The following GBA2 variants were observed in gnomAD, a reference collection of about 807,000 sequenced individuals.
GBA2 encodes the protein non-lysosomal glucosylceramidase.
GBA2 carries 79 observed loss-of-function variants against 112.9 expected under a neutral mutation model. That is an observed-to-expected ratio of 0.70 (90% CI 0.58 to 0.84). GBA2 has a LOEUF of 0.84. Among genes scored for constraint, GBA2 ranks in the 40% least tolerant of loss-of-function variants. The probability of loss-of-function intolerance (pLI) is 0.00; values close to 1 mark genes in which losing one functional copy is unlikely to be tolerated. For synonymous variants in GBA2, 403 were observed against 434.3 expected (o/e 0.93, Z 0.90); for missense variants, 1,043 against 1,190.0 (o/e 0.88, Z 1.82).
rs561018106 is a variant in GBA2, at chr9:35,749,204, G to T, written c.-500C>A. On this transcript the variant is annotated 5_prime_UTR_variant, in exon 1 of 17. Transcript: ENST00000378103. The surrounding 1 kb of genome is among the most constrained non-coding windows in gnomAD (Gnocchi z 4.4). ...CGTGGGAAGGTGACCCTGGGCGCCG[G>T]GATGACCCGAGCCCTTTCCGGTCTG... 2.5e-5 allele frequency: 10 copies of T among 402,812 alleles called. No individual in the cohort carries two copies. The highest frequency in any genetic ancestry group is 1.6e-4 in the South Asian group (9 of 57,576). 25.0% of individuals were successfully genotyped at this position (402,812 alleles called of 1,614,324 possible).
chr9:35,741,292 G>C lies in GBA2; in HGVS notation c.787-228C>G. On this transcript the variant is annotated intron_variant, in intron 4 of 16. Coordinates refer to ENST00000378103, the MANE Select transcript of GBA2 (RefSeq NM_020944.3). This position sits in a 1 kb window ranked among gnomAD's most constrained non-coding sequence, Gnocchi z 4.6. ...CTGGGAAGCCAGTGTGATGTTCATG[G>C]CTCCAACCTCCCTTTCACAGGCCAT... The C allele has an allele frequency of 1.7e-6, 1 of 575,286 alleles. No homozygotes were observed. The highest frequency in any genetic ancestry group is 3.1e-6 in the Non-Finnish European group (1 of 326,732). The allele number at this position is 575,286 out of a possible 1,614,324, so 35.6% of individuals were successfully genotyped here.
In GBA2 at chr9:35,737,575, G is replaced by C. The variant is rs758428179; in HGVS notation, c.2506-128C>G. On this transcript the variant is annotated intron_variant, in intron 16 of 16. Coordinates refer to ENST00000378103, the MANE Select transcript of GBA2 (RefSeq NM_020944.3). This position sits in a 1 kb window ranked among gnomAD's most constrained non-coding sequence, Gnocchi z 4.1. ...CCCAGCAAGTGGAGGAGATAACTATGACCCACAGACAGAAGCCTGAAGGCA... is the reference window on the plus strand; with the variant it reads ...CCCAGCAAGTGGAGGAGATAACTATCACCCACAGACAGAAGCCTGAAGGCA... 3.9e-6 allele frequency: 6 copies of C among 1,556,908 alleles called. No individual in the cohort carries two copies. In the African/African-American group the frequency reaches 5.5e-5, roughly 14 times the overall value.
chr9:35,744,662 G>T lies in GBA2; in HGVS notation c.404C>A (p.Thr135Lys). 1 of 1,610,972 alleles carries T rather than the reference G, an allele frequency of 6.2e-7. No individual in the cohort carries two copies. Among genetic ancestry groups the T allele is most frequent in the Non-Finnish European group, 8.5e-7 (1 of 1,177,122 alleles). ...AGAATTGATCATGTCGATGAAAGGT[G>T]TCTTCTTTTCCACATGGGTCTTCCG... is the stretch of plus-strand genomic sequence containing the variant. ...WYRKTHVEKK[T>K]PFIDMINSVP... The change falls in exon 2 of 17, where the codon ACA becomes AAA. Residue 135 changes from threonine (T) to lysine (K), a missense_variant. Coordinates refer to ENST00000378103, the MANE Select transcript of GBA2 (RefSeq NM_020944.3).
rs920969258 is a variant in GBA2, at chr9:35,737,074, T to C, written c.*95A>G. 1.3e-6 allele frequency: 2 copies of C among 1,523,692 alleles called. No homozygotes were observed. Among genetic ancestry groups the C allele is most frequent in the African/African-American group, 2.8e-5 (2 of 72,548 alleles). The allele number at this position is 1,523,692 out of a possible 1,614,324, so 94.4% of individuals were successfully genotyped here. The stretch of plus-strand genomic sequence containing the variant: ...GAGAAGGGAAGGGGTATGATTGTCC[T>C]GATGGCTCAGGGTTGCAGGAGGTTC... On this transcript the variant is annotated 3_prime_UTR_variant, in exon 17 of 17. Coordinates refer to ENST00000378103, the MANE Select transcript of GBA2 (RefSeq NM_020944.3). This position sits in a 1 kb window ranked among gnomAD's most constrained non-coding sequence, Gnocchi z 4.1.
Position 35,738,393 on chromosome 9 carries a change from T to G in GBA2, c.2055-19A>C. On this transcript the variant is annotated intron_variant, in intron 13 of 16. Transcript: ENST00000378103. ...GTAAGCACTGATCAGGGACATGGGT[T>G]TGGGGGTCAGACTGGCAGCTCCAGC... The G allele has an allele frequency of 6.2e-7, 1 of 1,611,886 alleles. No homozygotes were observed. The highest frequency in any genetic ancestry group is 8.5e-7 in the Non-Finnish European group (1 of 1,178,586).
chr9:35,737,065 T>G lies in GBA2; in HGVS notation c.*104A>C. The G allele has an allele frequency of 6.6e-7, 1 of 1,510,266 alleles. No individual in the cohort carries two copies. The highest frequency in any genetic ancestry group is 8.8e-7 in the Non-Finnish European group (1 of 1,133,792). 93.6% of individuals were successfully genotyped at this position (1,510,266 alleles called of 1,614,324 possible). On this transcript the variant is annotated 3_prime_UTR_variant, in exon 17 of 17. Transcript: ENST00000378103. This position sits in a 1 kb window ranked among gnomAD's most constrained non-coding sequence, Gnocchi z 4.1. ...TTGGGTGGAGAGAAGGGAAGGGGTATGATTGTCCTGATGGCTCAGGGTTGC... is the reference window on the plus strand; with the variant it reads ...TTGGGTGGAGAGAAGGGAAGGGGTAGGATTGTCCTGATGGCTCAGGGTTGC...
In GBA2 at chr9:35,741,446, C is replaced by T. The variant is rs1826676467; in HGVS notation, c.786+226G>A. On this transcript the variant is annotated intron_variant, in intron 4 of 16. Transcript: ENST00000378103. The surrounding 1 kb of genome is among the most constrained non-coding windows in gnomAD (Gnocchi z 4.6). ...AGTAGCTGGGACTACAGGTGCCTGC[C>T]ACAACGCCCAGCTAATTTTTTTTTT... The T allele has an allele frequency of 1.8e-6, 1 of 559,226 alleles. No individual in the cohort carries two copies. The highest frequency in any genetic ancestry group is 3.1e-5 in the Admixed American group (1 of 32,740). The allele number at this position is 559,226 out of a possible 1,614,324, so 34.6% of individuals were successfully genotyped here. A position where few individuals can be genotyped will look rare whatever the true frequency, so the allele number is the denominator to read the frequency against.
intron 3 of GBA2, chr9:35,743,337 A>G: frequency 6.5e-6 from 1 of 153,766 alleles, no homozygotes. Flanking sequence ...CTGCAAAATG[A>G]GCATAATAGT....
chr9:35,739,464 C>G, intron 9 of GBA2, 45 bp from the exon 10 acceptor site: 1 of 1,409,416 alleles, frequency 7.1e-7, no homozygotes, highest in Non-Finnish European at 1.0e-6. Flanking sequence ...TTCCTGCTTC[C>G]CCTTCAAACC....
Position 35,740,945 on chromosome 9 carries a change from TG to T in GBA2, c.905del (p.Pro302GlnfsTer46). The T allele has an allele frequency of 6.2e-7, 1 of 1,614,148 alleles. No individual in the cohort carries two copies. On this transcript the variant is annotated frameshift_variant, in exon 5 of 17. Transcript: ENST00000378103. LOFTEE classifies it high-confidence loss of function. The surrounding 1 kb of genome is among the most constrained non-coding windows in gnomAD (Gnocchi z 4.7). The stretch of plus-strand genomic sequence containing the variant: ...AGAAGGGCTCATTCCACAAACCCCC[TG>T]GGGCATCGTCTCCACCACCCAGTCC... ...RNGLGGGDDA[P>X]GGLWNEPFCL...
At position 35,741,761 on chromosome 9, in the gene GBA2, G is replaced by A; in HGVS notation, c.697C>T (p.Pro233Ser). Residue 233 changes from proline to serine, a missense_variant, in exon 4 of 17, where the codon CCC becomes TCC. Pro to Ser is a moderately conservative substitution (Grantham distance 74). Coordinates refer to ENST00000378103, the MANE Select transcript of GBA2 (RefSeq NM_020944.3). This position sits in a 1 kb window ranked among gnomAD's most constrained non-coding sequence, Gnocchi z 4.6. ...GYFAFYHALYPRAWTVYQLPG... is the reference protein window; with the variant it reads ...GYFAFYHALYSRAWTVYQLPG... ...AGCTGATAGACAGTCCAGGCTCGGG[G>A]ATAGAGGGCATGGTAGAAAGCAAAG... 1 of 1,613,980 alleles carries A rather than the reference G, an allele frequency of 6.2e-7. No individual in the cohort carries two copies. Among genetic ancestry groups the A allele is most frequent in the Non-Finnish European group, 8.5e-7 (1 of 1,179,870 alleles).
intron 3 of GBA2, 149 bp from the exon 4 acceptor site, chr9:35,742,039 T>C: frequency 6.1e-6 from 4 of 653,620 alleles, no homozygotes; most frequent in Non-Finnish European, 1.1e-5. Flanking sequence ...GCTCAGTGAA[T>C]CACCAAGTCC....
rs556718217 is a variant in GBA2 at position 35,746,600 on chromosome 9, T to A, written c.359+1746A>T. On this transcript the variant is annotated intron_variant, in intron 1 of 16. Transcript: ENST00000378103. This position sits in a 1 kb window ranked among gnomAD's most constrained non-coding sequence, Gnocchi z 5.2. ...GAGCAAGACTGTCTCAAAAAAAAAA[T>A]AATAATAAAATAAAAAGGGACAGCA... Among the ~76,000 whole-genome samples the A allele has an allele frequency of 5.5e-3, 825 of 150,882 alleles. 8 individuals carry two copies. The highest frequency in any genetic ancestry group is 0.019 in the African/African-American group (760 of 41,068).
At chr9:35,745,811 CTT>C (rs1554667790) in intron 1 of GBA2, among the ~76,000 whole-genome samples, 1 of 152,198 alleles carries the variant, frequency 6.6e-6, no homozygotes, top group Non-Finnish European at 1.5e-5. Flanking sequence ...CTGCCAGACT[CTT>C]TCCCATTTCC....
rs1456093740 is a variant in GBA2, at chr9:35,746,078, A to T, written c.360-1372T>A. Among the ~76,000 whole-genome samples, 1 of 152,220 alleles carries T rather than the reference A, an allele frequency of 6.6e-6. No individual in the cohort carries two copies. Among genetic ancestry groups the T allele is most frequent in the Non-Finnish European group, 1.5e-5 (1 of 68,040 alleles). ...TAATCAGACATTGCCTTGTTATTTC[A>T]ATGTTCCTCATGTGAGGCTGACATA... On this transcript the variant is annotated intron_variant, in intron 1 of 16. Transcript: ENST00000378103. This position sits in a 1 kb window ranked among gnomAD's most constrained non-coding sequence, Gnocchi z 5.2.
Position 35,741,091 on chromosome 9 carries a change from G to A in GBA2, c.787-27C>T, listed in dbSNP as rs376072258. The A allele has an allele frequency of 6.4e-5, 103 of 1,612,436 alleles. No homozygotes were observed. In the African/African-American group the frequency reaches 9.1e-4, roughly 14 times the overall value. ...TGGGGGCAGAAGATTAGACTCAGAC[G>A]GTCCCAGTAGAGCGCCTCCTGACCC... On this transcript the variant is annotated intron_variant, in intron 4 of 16. Transcript: ENST00000378103. The surrounding 1 kb of genome is among the most constrained non-coding windows in gnomAD (Gnocchi z 4.6).
Position 35,741,891 on chromosome 9 carries a change from C to T in GBA2, c.568-1G>A. 6.2e-7 allele frequency: 1 copy of T among 1,610,006 alleles called. No individual in the cohort carries two copies. ...CTTCCCGACGCAGGCACACTGTGAACTTAAGAGGGCAGATAGGCTGGAACG... is the reference window on the plus strand; with the variant it reads ...CTTCCCGACGCAGGCACACTGTGAATTTAAGAGGGCAGATAGGCTGGAACG... On this transcript the variant is annotated splice_acceptor_variant, in intron 3 of 16. Coordinates refer to ENST00000378103, the MANE Select transcript of GBA2 (RefSeq NM_020944.3). LOFTEE classifies it high-confidence loss of function. The surrounding 1 kb of genome is among the most constrained non-coding windows in gnomAD (Gnocchi z 4.6).
At chr9:35,748,293 T>G in intron 1 of GBA2, 53 bp downstream of exon 1, 84 of 1,128,754 alleles carry the variant, frequency 7.4e-5, no homozygotes, top group Non-Finnish European at 9.6e-5. Context: ...CTAGAAGTTT[T>G]GAGCTGGAAC....
chr9:35,745,414 C>T (rs184906132), intron 1 of GBA2, among the ~76,000 whole-genome samples: 4 of 152,186 alleles, frequency 2.6e-5, no homozygotes, highest in African/African-American at 4.8e-5. Flanking sequence ...CGTGAGCTAC[C>T]GCTTCTGGCC....
Sources: allele counts gnomAD v4.1 joint callset (sites outside exome capture counted in the v4.1 genomes callset), GRCh38; gene constraint gnomAD v4.1.1; non-coding constraint Gnocchi (gnomAD v3.1); transcripts MANE v1.5; gene names NCBI Gene and HGNC (gene_info 2026-07-23, HGNC 2026-07-21).